Variants in POT1 observed in about 807,000 individuals in gnomAD.
POT1 encodes protection of telomeres 1, also known as protection of telomeres protein 1.
A neutral mutation model predicts 78.5 loss-of-function variants in POT1; 47 were observed. The observed-to-expected ratio is 0.60, with a 90% CI of 0.47 to 0.76. POT1 has a LOEUF of 0.76. POT1 is among the 30% of genes least tolerant of loss of function. POT1 has a pLI of 0.00. For missense variants in POT1, 646 were observed against 749.9 expected, an observed-to-expected ratio of 0.86 and a Z score of 1.62; for synonymous variants, 259 against 260.7, an observed-to-expected ratio of 0.99 and a Z score of 0.06.
At chr7:124,899,481 A>C (rs1282965110) in intron 3 of POT1, among the ~76,000 whole-genome samples, 2 of 152,088 alleles carry the variant, frequency 1.3e-5, no homozygotes, top group Non-Finnish European at 2.9e-5. Context: ...AAGATTTTAT[A>C]TTTCTCCGAA....
chr7:124,925,710 T>C (rs919626208), intron 2 of POT1, among the ~76,000 whole-genome samples: 2 of 152,094 alleles, frequency 1.3e-5, no homozygotes, highest in African/African-American at 4.8e-5. Context: ...CAAAATGTAT[T>C]ACAAGGCTAC....
chr7:124,864,705 A>G (rs1241457781), intron 7 of POT1, among the ~76,000 whole-genome samples: 1 of 152,036 alleles, frequency 6.6e-6, no homozygotes, highest in East Asian at 1.9e-4. Flanking sequence ...TACTTCACAA[A>G]TATCTTTTCA....
intron 11 of POT1, among the ~76,000 whole-genome samples, chr7:124,851,084 G>T (rs969491163): frequency 1.1e-4 from 17 of 151,838 alleles, no homozygotes; most frequent in African/African-American, 4.1e-4. Context: ...GACCAGTCTG[G>T]GCAACATATA....
At chr7:124,893,048 T>A (rs1404242467) in intron 5 of POT1, among the ~76,000 whole-genome samples, 1 of 151,372 alleles carries the variant, frequency 6.6e-6, no homozygotes, top group African/African-American at 2.4e-5. Flanking sequence ...ACTTTTTTTT[T>A]AAGGACACTC....
chr7:124,910,665 G>C (rs73223583), intron 3 of POT1, among the ~76,000 whole-genome samples: 2 of 151,888 alleles, frequency 1.3e-5, no homozygotes, highest in South Asian at 2.1e-4. Context: ...AATAAACAAA[G>C]GATAGGAAAA....
At chr7:124,889,941 C>T (rs995541154) in intron 6 of POT1, among the ~76,000 whole-genome samples, 7 of 151,854 alleles carry the variant, frequency 4.6e-5, no homozygotes, top group Non-Finnish European at 8.8e-5. Context: ...CTGCAGCCCA[C>T]AAATCAAGTA....
intron 14 of POT1, among the ~76,000 whole-genome samples, chr7:124,836,021 T>C (rs557958696): frequency 6.6e-6 from 1 of 152,204 alleles, no homozygotes; most frequent in South Asian, 2.1e-4. Context: ...TAATGCTTCC[T>C]CTCTCCAGGC....
intron 6 of POT1, among the ~76,000 whole-genome samples, chr7:124,873,833 T>C (rs1396522917): frequency 1.3e-5 from 2 of 151,894 alleles, no homozygotes; most frequent in Non-Finnish European, 2.9e-5. Context: ...TGGAAGAAAA[T>C]ATCAACATAT....
chr7:124,890,302 G>A (rs1796339270), intron 6 of POT1, among the ~76,000 whole-genome samples: 1 of 151,918 alleles, frequency 6.6e-6, no homozygotes, highest in Non-Finnish European at 1.5e-5. Flanking sequence ...AACTTCAACA[G>A]ATGAAGAGTT....
At chr7:124,898,854 T>G (rs1451812918) in intron 3 of POT1, among the ~76,000 whole-genome samples, 1 of 152,150 alleles carries the variant, frequency 6.6e-6, no homozygotes, top group Non-Finnish European at 1.5e-5. Flanking sequence ...ACAAAGATAT[T>G]TTCTTTCTAC....
At chr7:124,874,926 G>A (rs559750754) in intron 6 of POT1, among the ~76,000 whole-genome samples, 4 of 151,548 alleles carry the variant, frequency 2.6e-5, no homozygotes, top group Non-Finnish European at 1.5e-5. Flanking sequence ...TTTGTGAGAA[G>A]GGTGAAATAA....
At chr7:124,841,219 TG>T in intron 13 of POT1, 41 bp from the exon 14 acceptor site, 1 of 1,509,628 alleles carries the variant, frequency 6.6e-7, no homozygotes, top group Non-Finnish European at 9.2e-7. Context: ...TCGATTTTGG[TG>T]TAAGCGTGAA....
rs531832514 is a variant in POT1 at position 124,894,771 on chromosome 7, C to T, written c.10-2391G>A. 1.2e-4 allele frequency among the ~76,000 whole-genome samples: 18 copies of T among 151,628 alleles called. No homozygotes were observed. The South Asian group carries it at 3.5e-3, about 30-fold the overall frequency. On this transcript the variant is annotated intron_variant, in intron 5 of 18. Transcript: ENST00000357628. ...ATAAAAAAGGACTGTAGAGGGACAT[C>T]CAAATCAGTGTGAACAAATGTGTTA...
chr7:124,887,202 C>CCTAATATT, intron 6 of POT1, among the ~76,000 whole-genome samples: 1 of 152,200 alleles, frequency 6.6e-6, no homozygotes, highest in Admixed American at 6.5e-5. Context: ...AATGAAGACT[C>CCTAATATT]TGGGAATAAG....
chr7:124,850,312 T>C (rs1164392852), intron 11 of POT1, among the ~76,000 whole-genome samples: 1 of 152,370 alleles, frequency 6.6e-6, no homozygotes, highest in African/African-American at 2.4e-5. Context: ...TGTCTTGCTT[T>C]GTCATCAGTT....
At chr7:124,897,625 A>G (rs79067865) in intron 4 of POT1, among the ~76,000 whole-genome samples, 195 of 152,054 alleles carry the variant, frequency 1.3e-3, no homozygotes, top group African/African-American at 4.1e-3. Context: ...AAAAAAATCA[A>G]TAAGGAAGTG....
At chr7:124,889,592 A>C (rs1796320182) in intron 6 of POT1, among the ~76,000 whole-genome samples, 1 of 152,056 alleles carries the variant, frequency 6.6e-6, no homozygotes, top group Admixed American at 6.6e-5. Context: ...CCTGCCTTCA[A>C]AGCTTCAAAA....
intron 6 of POT1, 62 bp downstream of exon 6, chr7:124,892,204 C>A: frequency 2.0e-6 from 2 of 1,016,652 alleles, no homozygotes; most frequent in South Asian, 1.6e-5. Flanking sequence ...ACAGATGGAA[C>A]CGTGTTCCTA....
chr7:124,887,109 C>T (rs1277404413), intron 6 of POT1, among the ~76,000 whole-genome samples: 1 of 151,866 alleles, frequency 6.6e-6, no homozygotes, highest in East Asian at 1.9e-4. Flanking sequence ...GCACACGTAA[C>T]ATTTGAAGAA....
Sources: gnomAD v4.1 joint callset for allele counts (sites outside exome capture counted in the v4.1 genomes callset) on GRCh38, gnomAD v4.1.1 for gene constraint, MANE v1.5 for transcripts, NCBI Gene and HGNC (gene_info 2026-07-23, HGNC 2026-07-21) for gene names.